Variants in PRKD1 observed in about 807,000 individuals in gnomAD.
PRKD1 encodes serine/threonine-protein kinase D1.
In PRKD1, 63 loss-of-function variants were observed where a neutral mutation model predicts 95.9. The ratio of observed to expected loss-of-function variants is 0.66; its 90% CI spans 0.54 to 0.81. PRKD1 has a LOEUF of 0.81. Ranked by LOEUF, PRKD1 falls within the 30% of genes least tolerant of loss-of-function variation. The pLI, the probability that PRKD1 is intolerant of heterozygous loss-of-function variation, is 0.00. For synonymous variants in PRKD1, 425 were observed against 423.1 expected (o/e 1.00, Z -0.05); for missense variants, 1,048 against 1,165.3 (o/e 0.90, Z 1.47).
chr14:29,647,439 T>G (rs1482180140), intron 4 of PRKD1, among the ~76,000 whole-genome samples: 2 of 152,200 alleles, frequency 1.3e-5, no homozygotes, highest in East Asian at 3.8e-4. Context: ...TGTCAACAAC[T>G]TCCATTTTGG....
chr14:29,682,234 G>A (rs1035680141), intron 2 of PRKD1, among the ~76,000 whole-genome samples: 4 of 152,156 alleles, frequency 2.6e-5, no homozygotes, highest in African/African-American at 9.7e-5. Flanking sequence ...GAATATCAAC[G>A]TGGCTTGGTG....
At chr14:29,891,612 G>A (rs1188843406) in intron 1 of PRKD1, among the ~76,000 whole-genome samples, 1 of 151,776 alleles carries the variant, frequency 6.6e-6, no homozygotes, top group Non-Finnish European at 1.5e-5. Flanking sequence ...CTCTAAGGCA[G>A]GGTCTCTCAT....
rs553044731 is a variant in PRKD1, at chr14:29,717,668, ATTG to A, written c.403+7865_403+7867del. ...TCACTATTGTTATATTAACATCACTATTGTTATTATTATTTCTAAAAGAACAAT... is the reference window on the plus strand; with the variant it reads ...TCACTATTGTTATATTAACATCACTATTATTATTATTTCTAAAAGAACAAT... On this transcript the variant is annotated intron_variant, in intron 2 of 17. Coordinates refer to ENST00000331968, the MANE Select transcript of PRKD1 (RefSeq NM_002742.3). Among the ~76,000 whole-genome samples, 1,201 of 152,228 alleles carry A rather than the reference ATTG, an allele frequency of 7.9e-3. 17 individuals carry two copies. Among genetic ancestry groups the A allele is most frequent in the African/African-American group, 0.027 (1,120 of 41,542 alleles).
At chr14:29,598,899 TA>T in intron 15 of PRKD1, 127 bp downstream of exon 15, 1 of 830,476 alleles carries the variant, frequency 1.2e-6, no homozygotes, top group Non-Finnish European at 1.9e-6. Context: ...AACAAATGAA[TA>T]AAAATGGATA....
rs770054383 is a variant in PRKD1 at position 29,634,533 on chromosome 14, G to T, written c.1199C>A (p.Thr400Lys). The T allele has an allele frequency of 4.3e-6, 7 of 1,613,810 alleles. No individual in the cohort carries two copies. Among genetic ancestry groups the T allele is most frequent in the Non-Finnish European group, 4.2e-6 (5 of 1,179,902 alleles). The change falls in exon 8 of 18, where the codon ACA (threonine) becomes AAA (lysine). Residue 400 changes from threonine to lysine, a missense_variant. Coordinates refer to ENST00000331968, the MANE Select transcript of PRKD1 (RefSeq NM_002742.3). ...CCTCATGAGTGGGATATTGTTGCTT[G>T]TTGATGGACTTGAGAAGTCAAAATA... ...EDANRTISPS[T>K]SNNIPLMRVV...
At chr14:29,712,053 C>T (rs575352340) in intron 2 of PRKD1, among the ~76,000 whole-genome samples, 1 of 152,238 alleles carries the variant, frequency 6.6e-6, no homozygotes, top group South Asian at 2.1e-4. Context: ...ATCCAACTTT[C>T]GTTTCAGAAC....
chr14:29,797,555 G>A lies in PRKD1; in HGVS notation c.265-71881C>T, dbSNP rs142768687. Among the ~76,000 whole-genome samples the A allele has an allele frequency of 4.4e-4, 67 of 152,186 alleles. 1 individual carries two copies. In the East Asian group the frequency reaches 9.7e-3, roughly 22 times the overall value. ...CCATCACCGAGTGACAAGGTTTTCC[G>A]GAACACCCTAAAACTTTTATCAAAG... On this transcript the variant is annotated intron_variant, in intron 1 of 17. Transcript: ENST00000331968.
At chr14:29,758,906 ATATT>A (rs1382035326) in intron 1 of PRKD1, among the ~76,000 whole-genome samples, 8 of 152,226 alleles carry the variant, frequency 5.3e-5, no homozygotes, top group African/African-American at 1.9e-4. Context: ...TACTGCAAAT[ATATT>A]TATTTGGTAT....
chr14:29,801,723 T>C (rs2139219407), intron 1 of PRKD1, among the ~76,000 whole-genome samples: 1 of 152,218 alleles, frequency 6.6e-6, no homozygotes, highest in East Asian at 1.9e-4. Flanking sequence ...AGTTTCGCTC[T>C]TGTTGCCCAG....
intron 1 of PRKD1, among the ~76,000 whole-genome samples, chr14:29,839,513 C>A (rs917774725): frequency 6.6e-5 from 10 of 152,134 alleles, no homozygotes; most frequent in African/African-American, 2.2e-4. Context: ...AATGGATCTA[C>A]CATTTGGGGG....
chr14:29,620,886 T>C (rs1016577543), intron 13 of PRKD1, among the ~76,000 whole-genome samples: 11 of 151,790 alleles, frequency 7.2e-5, no homozygotes, highest in Non-Finnish European at 1.5e-4. Flanking sequence ...TGTATGTTTA[T>C]TGCGGCACTA....
intron 2 of PRKD1, among the ~76,000 whole-genome samples, chr14:29,695,270 A>C (rs564649722): frequency 6.6e-6 from 1 of 151,442 alleles, no homozygotes; most frequent in Non-Finnish European, 1.5e-5. Flanking sequence ...CAATTGATAT[A>C]TCTGTGAATG....
At chr14:29,605,960 C>A (rs77182891) in intron 13 of PRKD1, among the ~76,000 whole-genome samples, 292 of 152,196 alleles carry the variant, frequency 1.9e-3, no homozygotes, top group African/African-American at 6.7e-3. Flanking sequence ...ATCTGTTAGT[C>A]GGAAATTTCA....
At chr14:29,820,487 C>T (rs1890870217) in intron 1 of PRKD1, among the ~76,000 whole-genome samples, 1 of 152,180 alleles carries the variant, frequency 6.6e-6, no homozygotes, top group African/African-American at 2.4e-5. Flanking sequence ...AGAAAAGAAA[C>T]TTAAGGATGA....
chr14:29,881,352 G>C (rs755438183), intron 1 of PRKD1, among the ~76,000 whole-genome samples: 25 of 152,038 alleles, frequency 1.6e-4, no homozygotes, highest in Non-Finnish European at 2.6e-4. Flanking sequence ...TGTAAGAAGA[G>C]CCTTTCACCT....
chr14:29,865,996 T>G (rs1474393785), intron 1 of PRKD1, among the ~76,000 whole-genome samples: 1 of 152,184 alleles, frequency 6.6e-6, no homozygotes, highest in Non-Finnish European at 1.5e-5. Context: ...CAGTATTCTT[T>G]GAATATAATT....
chr14:29,846,707 T>C (rs879296675), intron 1 of PRKD1, among the ~76,000 whole-genome samples: 1 of 152,116 alleles, frequency 6.6e-6, no homozygotes, highest in Non-Finnish European at 1.5e-5. Context: ...AAAAGAATCA[T>C]ACACAGACAA....
At chr14:29,865,530 A>C (rs1469084103) in intron 1 of PRKD1, among the ~76,000 whole-genome samples, 1 of 152,116 alleles carries the variant, frequency 6.6e-6, no homozygotes, top group East Asian at 1.9e-4. Context: ...CTTGTTATAA[A>C]AAGCAAGTTT....
chr14:29,912,159 T>C (rs1326676167), intron 1 of PRKD1, among the ~76,000 whole-genome samples: 1 of 152,204 alleles, frequency 6.6e-6, no homozygotes, highest in Non-Finnish European at 1.5e-5. Context: ...GATAACACAG[T>C]ATCATCTCCC....
Sources: gnomAD v4.1 joint callset for allele counts (sites outside exome capture counted in the v4.1 genomes callset) on GRCh38, gnomAD v4.1.1 for gene constraint, MANE v1.5 for transcripts, NCBI Gene and HGNC (gene_info 2026-07-23, HGNC 2026-07-21) for gene names.